Variants in CSMD1 observed in about 807,000 individuals in gnomAD.
The protein encoded by CSMD1 is CUB and Sushi multiple domains 1, also known as CUB and sushi domain-containing protein 1.
In CSMD1, 213 loss-of-function variants were observed where a neutral mutation model predicts 417.5. That is an observed-to-expected ratio of 0.51 (90% CI 0.46 to 0.57). The LOEUF (loss-of-function observed/expected upper bound fraction) is 0.57, where lower values mean the gene tolerates loss of function less well. CSMD1 is among the 20% of genes least tolerant of loss of function. CSMD1 has a pLI of 0.00. For synonymous variants in CSMD1, 2,862 were observed against 1,736.8 expected, an observed-to-expected ratio of 1.65 and a Z score of -16.11; for missense variants, 6,923 against 4,529.7, an observed-to-expected ratio of 1.53 and a Z score of -15.17.
chr8:3,555,844 A>C (rs537889719), intron 10 of CSMD1, among the ~76,000 whole-genome samples: 1 of 152,138 alleles, frequency 6.6e-6, no homozygotes, highest in East Asian at 1.9e-4. Flanking sequence ...AAGTTTTTCT[A>C]TGAAATATAC....
rs139709386 is a variant in CSMD1, at chr8:3,069,396, C to T, written c.7475-16749G>A. 7.3e-3 allele frequency among the ~76,000 whole-genome samples: 1,104 copies of T among 151,470 alleles called. 14 individuals carry two copies. The highest frequency in any genetic ancestry group is 0.025 in the African/African-American group (1,035 of 41,174). On this transcript the variant is annotated intron_variant, in intron 49 of 69. Transcript: ENST00000635120. ...GTTGCAGTGAGCCAAGATCACACCACTGCACACCAGCATGGGTGACAGAGT... is the reference window on the plus strand; with the variant it reads ...GTTGCAGTGAGCCAAGATCACACCATTGCACACCAGCATGGGTGACAGAGT...
intron 4 of CSMD1, among the ~76,000 whole-genome samples, chr8:3,999,375 G>C (rs1447451852): frequency 6.6e-6 from 1 of 152,158 alleles, no homozygotes; most frequent in African/African-American, 2.4e-5. Flanking sequence ...TTATACCGAA[G>C]TGAGAGGAAA....
chr8:3,978,276 T>A (rs1813597262), intron 5 of CSMD1, among the ~76,000 whole-genome samples: 1 of 152,182 alleles, frequency 6.6e-6, no homozygotes, highest in Non-Finnish European at 1.5e-5. Context: ...GGAGCCTCAG[T>A]CACCCCTGTA....
chr8:3,702,615 G>A (rs765911797), intron 7 of CSMD1, among the ~76,000 whole-genome samples: 2 of 152,214 alleles, frequency 1.3e-5, no homozygotes, highest in African/African-American at 4.8e-5. Context: ...CAGATCGCCT[G>A]AGGTCAGGAA....
At chr8:3,864,575 G>A (rs563833316) in intron 5 of CSMD1, among the ~76,000 whole-genome samples, 167 of 152,168 alleles carry the variant, frequency 1.1e-3, no homozygotes, top group African/African-American at 3.9e-3. Flanking sequence ...CCATTAACTC[G>A]TCATTTAGCA....
chr8:3,602,111 G>T (rs941360644), intron 8 of CSMD1, among the ~76,000 whole-genome samples: 2 of 152,168 alleles, frequency 1.3e-5, no homozygotes, highest in Non-Finnish European at 2.9e-5. Context: ...TAACACCATT[G>T]AACTGCACAC....
chr8:4,463,248 T>C (rs574956806), intron 2 of CSMD1, among the ~76,000 whole-genome samples: 4 of 152,292 alleles, frequency 2.6e-5, no homozygotes, highest in Admixed American at 2.0e-4. Flanking sequence ...TACCAGTTCA[T>C]GTCCACTAAA....
chr8:4,340,815 C>T (rs1800432648), intron 3 of CSMD1, among the ~76,000 whole-genome samples: 1 of 151,968 alleles, frequency 6.6e-6, no homozygotes, highest in African/African-American at 2.4e-5. Flanking sequence ...TGCTGCTTAC[C>T]CACTTCTAGA....
intron 7 of CSMD1, among the ~76,000 whole-genome samples, chr8:3,645,711 G>C (rs953161352): frequency 5.3e-5 from 8 of 152,186 alleles, no homozygotes; most frequent in Admixed American, 3.3e-4. Flanking sequence ...ACTTGGCTCT[G>C]CAAGGAACAT....
At chr8:4,464,915 G>T (rs955036217) in intron 2 of CSMD1, among the ~76,000 whole-genome samples, 2 of 151,978 alleles carry the variant, frequency 1.3e-5, no homozygotes, top group East Asian at 3.9e-4. Flanking sequence ...CTCTCCATTG[G>T]GGCTGAGCAC....
At chr8:4,635,115 C>T (rs1389320245) in intron 2 of CSMD1, among the ~76,000 whole-genome samples, 1 of 152,042 alleles carries the variant, frequency 6.6e-6, no homozygotes, top group Non-Finnish European at 1.5e-5. Flanking sequence ...AAAAAATTGT[C>T]GGTAACTGAG....
intron 3 of CSMD1, among the ~76,000 whole-genome samples, chr8:4,075,603 C>T (rs1177571467): frequency 6.6e-6 from 1 of 152,106 alleles, no homozygotes; most frequent in African/African-American, 2.4e-5. Flanking sequence ...TTCTGCATAG[C>T]GGAGTTAATC....
At chr8:3,794,888 A>G (rs1371042730) in intron 5 of CSMD1, among the ~76,000 whole-genome samples, 3 of 135,626 alleles carry the variant, frequency 2.2e-5, no homozygotes, top group African/African-American at 7.7e-5. Context: ...TCTCTCTCTT[A>G]CTGTCTGTAA....
chr8:3,283,351 A>T (rs2117230691), intron 26 of CSMD1, among the ~76,000 whole-genome samples: 1 of 152,080 alleles, frequency 6.6e-6, no homozygotes, highest in East Asian at 1.9e-4. Context: ...AGCCCTGAAG[A>T]TAGGCTCTAC....
chr8:3,842,580 T>A (rs938740419), intron 5 of CSMD1, among the ~76,000 whole-genome samples: 4 of 152,138 alleles, frequency 2.6e-5, no homozygotes, highest in African/African-American at 4.8e-5. Context: ...AAATAACACA[T>A]AAATCTCTTG....
chr8:4,415,212 C>T (rs1308543809), intron 3 of CSMD1, among the ~76,000 whole-genome samples: 3 of 152,138 alleles, frequency 2.0e-5, no homozygotes, highest in Admixed American at 2.0e-4. Flanking sequence ...GGATCATCCG[C>T]CTCCGCTCCC....
chr8:3,259,018 T>G (rs2117077244), intron 26 of CSMD1, among the ~76,000 whole-genome samples: 1 of 152,174 alleles, frequency 6.6e-6, no homozygotes, highest in Middle Eastern at 3.4e-3. Flanking sequence ...GGGTGATGAA[T>G]CTAGGTTAGG....
At chr8:4,521,852 T>A in intron 2 of CSMD1, among the ~76,000 whole-genome samples, 1 of 152,204 alleles carries the variant, frequency 6.6e-6, no homozygotes, top group Non-Finnish European at 1.5e-5. Context: ...AGGAGAAAAC[T>A]CAGCGCTTTA....
chr8:4,207,166 AATAAGT>A (rs979789395), intron 3 of CSMD1, among the ~76,000 whole-genome samples: 4 of 152,208 alleles, frequency 2.6e-5, no homozygotes, highest in African/African-American at 9.6e-5. Context: ...TAGGTATAGT[AATAAGT>A]ATAAGATTAC....
Sources: allele counts gnomAD v4.1 joint callset (sites outside exome capture counted in the v4.1 genomes callset), GRCh38; gene constraint gnomAD v4.1.1; transcripts MANE v1.5; gene names NCBI Gene and HGNC (gene_info 2026-07-23, HGNC 2026-07-21).